Variants in RDH12 observed in about 807,000 individuals in gnomAD.
The protein encoded by RDH12 is retinol dehydrogenase 12, also known as all-trans and 9-cis retinol dehydrogenase.
RDH12 carries 21 observed loss-of-function variants against 34.0 expected under a neutral mutation model. That is an observed-to-expected ratio of 0.62 (90% confidence interval 0.44 to 0.89). The LOEUF is 0.89. Ranked by LOEUF, RDH12 falls within the 40% of genes least tolerant of loss-of-function variation. The pLI is 0.00. For missense variants in RDH12, 394 were observed against 398.6 expected (o/e 0.99, Z 0.10); for synonymous variants, 198 against 169.9 (o/e 1.17, Z -1.29).
rs184647429 is a variant in RDH12 at position 67,707,211 on chromosome 14, A to G, written c.-275+5276A>G. Among the ~76,000 whole-genome samples, 957 of 152,350 alleles carry G rather than the reference A, an allele frequency of 6.3e-3. 7 individuals carry two copies. The highest frequency in any genetic ancestry group is 0.017 in the Middle Eastern group (5 of 294). On this transcript the variant is annotated intron_variant, in intron 1 of 8. Transcript: ENST00000551171. ...AAAACAATTGAAAACATTATTTTGA[A>G]GACTTGTAGCCAACAAAAATTAGAA... is the stretch of plus-strand genomic sequence containing the variant.
At chr14:67,732,168 G>A (rs907778078) in intron 8 of RDH12, among the ~76,000 whole-genome samples, 90 of 151,034 alleles carry the variant, frequency 6.0e-4, no homozygotes, top group African/African-American at 2.0e-3. Flanking sequence ...TGGGTGTGGC[G>A]GCTCATGCCT....
rs777916043 is a variant in RDH12, at chr14:67,727,058, G to A, written c.526G>A (p.Val176Met). 7.4e-6 allele frequency: 12 copies of A among 1,614,056 alleles called. No homozygotes were observed. Among genetic ancestry groups the A allele is most frequent in the Non-Finnish European group, 1.0e-5 (12 of 1,180,044 alleles). Reference sequence around the variant, plus strand: ...TGCACGGGTGGTTAATGTGTCCTCGGTGGCTCACCACATTGGCAAGATTCC... The same window carrying A: ...TGCACGGGTGGTTAATGTGTCCTCGATGGCTCACCACATTGGCAAGATTCC... ...APARVVNVSSVAHHIGKIPFH... is the reference protein window; with the variant it reads ...APARVVNVSSMAHHIGKIPFH... Residue 176 changes from valine (V) to methionine (M), a missense_variant, in exon 7 of 9, where the codon GTG becomes ATG. Physicochemically the swap from Val to Met is conservative, Grantham distance 21. Transcript: ENST00000551171.
chr14:67,725,324 T>C, intron 5 of RDH12, 70 bp downstream of exon 5: 1 of 1,492,454 alleles, frequency 6.7e-7, no homozygotes, highest in Admixed American at 1.8e-5. Context: ...CCCTAGACCA[T>C]CTATGGCCCT....
At chr14:67,732,972 A>C (rs2140160661) in intron 8 of RDH12, among the ~76,000 whole-genome samples, 1 of 152,222 alleles carries the variant, frequency 6.6e-6, no homozygotes, top group South Asian at 2.1e-4. Context: ...AAAAACAAAA[A>C]ACATGGGGGG....
At chr14:67,716,064 G>A (rs985899644) in intron 1 of RDH12, among the ~76,000 whole-genome samples, 1 of 152,120 alleles carries the variant, frequency 6.6e-6, no homozygotes, top group African/African-American at 2.4e-5. Context: ...GGGGGTGGTA[G>A]CCGGTGCCTG....
chr14:67,720,884 T>G lies in RDH12; in HGVS notation c.-238T>G, dbSNP rs966910022. On this transcript the variant is annotated 5_prime_UTR_variant, in exon 2 of 9. Transcript: ENST00000551171. ...CTGTTCTTAAGGACTCTCTGCTTCC[T>G]GGACAAGCTCAAGCTAAGGTGAGTA... The G allele has an allele frequency of 5.3e-5, 8 of 152,272 alleles. No homozygotes were observed. The highest frequency in any genetic ancestry group is 1.9e-4 in the African/African-American group (8 of 41,468). 9.4% of individuals were successfully genotyped at this position (152,272 alleles called of 1,614,324 possible). A position where few individuals can be genotyped will look rare whatever the true frequency, so the allele number is the denominator to read the frequency against.
chr14:67,722,163 C>T (rs2038131265), intron 2 of RDH12, among the ~76,000 whole-genome samples: 1 of 152,138 alleles, frequency 6.6e-6, no homozygotes, highest in African/African-American at 2.4e-5. Context: ...CGTCTCTCTC[C>T]ATTCTTCTGG....
chr14:67,726,043 C>T lies in RDH12; in HGVS notation c.344-8C>T, dbSNP rs552400272. 1.4e-5 allele frequency: 22 copies of T among 1,596,444 alleles called. No homozygotes were observed. In the South Asian group the frequency reaches 1.9e-4, roughly 14 times the overall value. On this transcript the variant is annotated splice_region_variant and splice_polypyrimidine_tract_variant and intron_variant, in intron 5 of 8. Coordinates refer to ENST00000551171, the MANE Select transcript of RDH12 (RefSeq NM_152443.3). The stretch of plus-strand genomic sequence containing the variant: ...TAACCATAGGATCTCTTTGGTTGTG[C>T]CCTATAGAGGAAAAGCAGCTCCATA...
chr14:67,720,448 T>C (rs2038111853), intron 1 of RDH12, among the ~76,000 whole-genome samples: 1 of 152,258 alleles, frequency 6.6e-6, no homozygotes, highest in African/African-American at 2.4e-5. Flanking sequence ...CCAGTGGTTC[T>C]TCTTAATACT....
At chr14:67,729,473 C>T (rs2038239178) in intron 8 of RDH12, 93 bp downstream of exon 8, 2 of 1,259,412 alleles carry the variant, frequency 1.6e-6, no homozygotes, top group Non-Finnish European at 2.3e-6. Flanking sequence ...TGAGTTTGTG[C>T]CTGATGATGC....
intron 1 of RDH12, among the ~76,000 whole-genome samples, chr14:67,716,967 A>G (rs1400017334): frequency 2.6e-5 from 4 of 152,066 alleles, no homozygotes; most frequent in Non-Finnish European, 4.4e-5. Context: ...TACCAGTTTT[A>G]TCACATATAT....
intron 1 of RDH12, among the ~76,000 whole-genome samples, chr14:67,717,268 C>T (rs980832523): frequency 3.9e-5 from 6 of 152,188 alleles, no homozygotes; most frequent in Admixed American, 1.3e-4. Context: ...ATTTCCATCA[C>T]CTCAGAAAGC....
chr14:67,732,000 G>T (rs1415545126), intron 8 of RDH12, among the ~76,000 whole-genome samples: 1 of 151,662 alleles, frequency 6.6e-6, no homozygotes, highest in African/African-American at 2.4e-5. Flanking sequence ...GTTGGTGGGT[G>T]CCTGTAATCC....
intron 1 of RDH12, among the ~76,000 whole-genome samples, chr14:67,718,972 T>C (rs1228730482): frequency 1.3e-5 from 2 of 152,238 alleles, no homozygotes; most frequent in Admixed American, 6.5e-5. Flanking sequence ...GATAAATTGA[T>C]AAAAGTTTAT....
chr14:67,729,247 C>G lies in RDH12; in HGVS notation c.715C>G (p.Arg239Gly), dbSNP rs751589863. 1 of 1,610,042 alleles carries G rather than the reference C, an allele frequency of 6.2e-7. No homozygotes were observed. Among genetic ancestry groups the G allele is most frequent in the South Asian group, 1.1e-5 (1 of 91,034 alleles). ...HPGVVRSELVRHSSLLCLLWR... is the reference protein window; with the variant it reads ...HPGVVRSELVGHSSLLCLLWR... ...AGGCGTCGTCCGCTCTGAGCTGGTC[C>G]GGCACTCCTCCCTGCTCTGCCTGCT... The change falls in exon 8 of 9, where the codon CGG becomes GGG. Residue 239 changes from arginine to glycine, a missense_variant. Coordinates refer to ENST00000551171, the MANE Select transcript of RDH12 (RefSeq NM_152443.3).
chr14:67,721,750 T>TATATATGTATAAC (rs1822827035), intron 2 of RDH12, among the ~76,000 whole-genome samples: 1 of 149,262 alleles, frequency 6.7e-6, no homozygotes, highest in Non-Finnish European at 1.5e-5. Context: ...TATATATATA[T>TATATATGTATAAC]ATATATATAT....
intron 6 of RDH12, 103 bp from the exon 7 acceptor site, chr14:67,726,878 C>A: frequency 9.7e-7 from 1 of 1,035,004 alleles, no homozygotes; most frequent in Non-Finnish European, 1.5e-6. Context: ...AATTGGTTCA[C>A]ACCCAGAAGA....
chr14:67,727,006 C>T lies in RDH12; in HGVS notation c.474C>T (p.Leu158=), dbSNP rs755916691. Residue 158 remains leucine (L), a synonymous_variant, in exon 7 of 9, where the codon CTC becomes CTT. Coordinates refer to ENST00000551171, the MANE Select transcript of RDH12 (RefSeq NM_152443.3). ...HLGHFLLTYL[L]LERLKVSAPA... is the part of the protein sequence containing the mutation. ...GCCACTTCCTCCTCACCTACCTGCT[C>T]CTGGAGCGGCTAAAGGTGTCTGCCC... 6.3e-5 allele frequency: 102 copies of T among 1,612,956 alleles called. No individual in the cohort carries two copies. Among genetic ancestry groups the T allele is most frequent in the Non-Finnish European group, 8.1e-5 (96 of 1,180,034 alleles).
chr14:67,733,064 A>G (rs1262586673), intron 8 of RDH12, among the ~76,000 whole-genome samples: 1 of 152,166 alleles, frequency 6.6e-6, no homozygotes, highest in Non-Finnish European at 1.5e-5. Flanking sequence ...TGGCACATGT[A>G]TACATATGTA....
Sources: allele counts gnomAD v4.1 joint callset (sites outside exome capture counted in the v4.1 genomes callset), GRCh38; gene constraint gnomAD v4.1.1; transcripts MANE v1.5; gene names NCBI Gene and HGNC (gene_info 2026-07-23, HGNC 2026-07-21).